SMCO2: variants seen among roughly 807,000 people sequenced by gnomAD.
SMCO2 encodes the protein single-pass membrane and coiled-coil domain-containing protein 2.
SMCO2 carries 25 observed loss-of-function variants against 29.5 expected under a neutral mutation model. That is an observed-to-expected ratio of 0.85 (90% CI 0.62 to 1.18). The LOEUF (loss-of-function observed/expected upper bound fraction) is 1.18, where lower values mean the gene tolerates loss of function less well. Ranked by LOEUF, SMCO2 falls within the 50% of genes most tolerant of loss-of-function variation. The pLI, the probability that SMCO2 is intolerant of heterozygous loss-of-function variation, is 0.00. For synonymous variants in SMCO2, 117 were observed against 123.3 expected, an observed-to-expected ratio of 0.95 and a Z score of 0.34; for missense variants, 348 against 344.5, an observed-to-expected ratio of 1.01 and a Z score of -0.08.
In SMCO2 at chr12:27,475,808, T is replaced by G. The variant is rs549255460; in HGVS notation, c.362+895T>G. On this transcript the variant is annotated intron_variant, in intron 4 of 7. Coordinates refer to ENST00000298876, the Ensembl canonical transcript of SMCO2. ...TTTAAAAATTTAAGAAACTTTGGGC[T>G]TAAGATGATAAAGTCTTTAGGCCAT... 8.3e-6 allele frequency: 11 copies of G among 1,324,216 alleles called. No homozygotes were observed. In the East Asian group the frequency reaches 2.8e-4, roughly 33 times the overall value. 82.0% of individuals were successfully genotyped at this position (1,324,216 alleles called of 1,614,324 possible). A position where few individuals can be genotyped will look rare whatever the true frequency, so the allele number is the denominator to read the frequency against.
chr12:27,501,803 T>G, intron 7 of SMCO2, 120 bp from the exon 9 acceptor site: 1 of 703,338 alleles, frequency 1.4e-6, no homozygotes, highest in Non-Finnish European at 2.2e-6. Context: ...AAATGTAAAC[T>G]GAAGTCAAGA....
At chr12:27,487,424 GTAGTCTTCCATGATAT>G (rs964819999) in intron 4 of SMCO2, among the ~76,000 whole-genome samples, 59 of 152,232 alleles carry the variant, frequency 3.9e-4, no homozygotes, top group African/African-American at 1.4e-3. Flanking sequence ...TCATTGCTGA[GTAGTCTTCCATGATAT>G]GAACCTATGC....
At chr12:27,490,123 T>C (rs1450043562) in intron 5 of SMCO2, among the ~76,000 whole-genome samples, 6 of 152,210 alleles carry the variant, frequency 3.9e-5, no homozygotes, top group Non-Finnish European at 8.8e-5. Context: ...TATCTGCCAG[T>C]TGTCATTTGG....
At chr12:27,460,792 G>A in the SMCO2 span, among the ~76,000 whole-genome samples, 2 of 152,216 alleles carry the variant, frequency 1.3e-5, no homozygotes, top group Non-Finnish European at 2.9e-5. Context: ...GCAAAGGAAA[G>A]GAAATGAGAC....
At chr12:27,436,688 C>T in the SMCO2 span, among the ~76,000 whole-genome samples, 56 of 152,288 alleles carry the variant, frequency 3.7e-4, 1 homozygote, top group Middle Eastern at 0.02. Context: ...CCACTCCATC[C>T]ACTTGACCCA....
chr12:27,493,175 CT>C (rs1032708995), intron 5 of SMCO2, among the ~76,000 whole-genome samples: 17 of 151,970 alleles, frequency 1.1e-4, no homozygotes, highest in African/African-American at 4.1e-4. Context: ...CTGGGGTCTA[CT>C]TGAGGGTGGA....
intron 4 of SMCO2, among the ~76,000 whole-genome samples, chr12:27,480,477 A>G (rs1949632737): frequency 6.6e-6 from 1 of 152,116 alleles, no homozygotes; most frequent in Non-Finnish European, 1.5e-5. Context: ...AACTATCACA[A>G]GTCAACCCCT....
At chr12:27,499,039 A>G (rs926848071) in intron 7 of SMCO2, among the ~76,000 whole-genome samples, 1 of 150,856 alleles carries the variant, frequency 6.6e-6, no homozygotes, top group African/African-American at 2.5e-5. Flanking sequence ...GGCAGTTTCT[A>G]AAACGGTTAA....
At chr12:27,489,787 A>T (rs1025170759) in intron 5 of SMCO2, among the ~76,000 whole-genome samples, 2 of 152,180 alleles carry the variant, frequency 1.3e-5, no homozygotes, top group African/African-American at 2.4e-5. Context: ...GCAAACTATA[A>T]AAAAGGGAAG....
intron 4 of SMCO2, among the ~76,000 whole-genome samples, chr12:27,477,221 T>G (rs1026271435): frequency 1.4e-5 from 2 of 138,376 alleles, no homozygotes; most frequent in East Asian, 2.0e-4. Flanking sequence ...TTTTTTTTTT[T>G]TTTTTTTTTT....
the SMCO2 span, among the ~76,000 whole-genome samples, chr12:27,436,540 AGAAAC>A: frequency 2.0e-5 from 3 of 152,166 alleles, no homozygotes; most frequent in South Asian, 2.1e-4. Context: ...GAAAAGAGGA[AGAAAC>A]GAAAAGAAGA....
At chr12:27,495,942 A>C (rs1255340012) in intron 7 of SMCO2, 87 bp downstream of exon 8, 2 of 1,236,482 alleles carry the variant, frequency 1.6e-6, no homozygotes, top group East Asian at 2.6e-5. Context: ...TCAAGTGTTG[A>C]CTAAAATGTT....
At chr12:27,487,392 T>A (rs1304909501) in intron 4 of SMCO2, among the ~76,000 whole-genome samples, 1 of 152,212 alleles carries the variant, frequency 6.6e-6, no homozygotes, top group African/African-American at 2.4e-5. Flanking sequence ...AATTTTCGCA[T>A]GTATTGATCT....
chr12:27,434,041 G>A, the SMCO2 span, among the ~76,000 whole-genome samples: 1 of 152,202 alleles, frequency 6.6e-6, no homozygotes, highest in African/African-American at 2.4e-5. Context: ...AACCTCAGAT[G>A]TGTGGCCACA....
At chr12:27,440,904 A>G in the SMCO2 span, among the ~76,000 whole-genome samples, 1 of 152,156 alleles carries the variant, frequency 6.6e-6, no homozygotes, top group Non-Finnish European at 1.5e-5. Context: ...AAATGACAGT[A>G]GTAAGTCCTT....
intron 6 of SMCO2, among the ~76,000 whole-genome samples, chr12:27,494,725 C>A (rs999379583): frequency 6.6e-6 from 1 of 151,940 alleles, no homozygotes; most frequent in Non-Finnish European, 1.5e-5. Flanking sequence ...TTTCATTGTT[C>A]AACTCCCACT....
At chr12:27,458,259 CAG>C in the SMCO2 span, among the ~76,000 whole-genome samples, 19 of 152,106 alleles carry the variant, frequency 1.2e-4, no homozygotes, top group Admixed American at 5.9e-4. Flanking sequence ...ATAAATTAAA[CAG>C]ATTAAATTCC....
the SMCO2 span, among the ~76,000 whole-genome samples, chr12:27,440,341 A>G: frequency 9.2e-5 from 14 of 152,202 alleles, no homozygotes; most frequent in African/African-American, 3.1e-4. Context: ...TCTGTTGTGC[A>G]AGAAAAGCTA....
the SMCO2 span, chr12:27,423,624 C>A: frequency 6.6e-6 from 1 of 152,338 alleles, no homozygotes; most frequent in East Asian, 1.9e-4. Context: ...CCACTGCGCC[C>A]GGCCTACTCT....
Sources: allele counts gnomAD v4.1 joint callset (sites outside exome capture counted in the v4.1 genomes callset), GRCh38; gene constraint gnomAD v4.1.1; transcripts MANE v1.5; gene names NCBI Gene and HGNC (gene_info 2026-07-23, HGNC 2026-07-21).